The following CACNB2 variants were observed in gnomAD, a reference collection of about 807,000 sequenced individuals.
CACNB2 encodes calcium voltage-gated channel auxiliary subunit beta 2, also known as voltage-dependent L-type calcium channel subunit beta-2.
Under a neutral mutation model 73.3 loss-of-function variants are expected in CACNB2, and 42 were observed. The observed-to-expected ratio is 0.57, with a 90% CI of 0.45 to 0.74. CACNB2 has a LOEUF of 0.74. Ranked by LOEUF, CACNB2 falls within the 30% of genes least tolerant of loss-of-function variation. The pLI, the probability that CACNB2 is intolerant of heterozygous loss-of-function variation, is 0.00. For synonymous variants in CACNB2, 348 were observed against 310.3 expected (o/e 1.12, Z -1.28); for missense variants, 940 against 853.0 (o/e 1.10, Z -1.27).
At position 18,527,610 on chromosome 10, in the gene CACNB2, G is replaced by T. The variant is rs561197163; in HGVS notation, c.967G>T (p.Ala323Ser). 12 of 1,613,590 alleles carry T rather than the reference G, an allele frequency of 7.4e-6. No individual in the cohort carries two copies. Among genetic ancestry groups the T allele is most frequent in the Non-Finnish European group, 1.0e-5 (12 of 1,179,596 alleles). ...EGRISITRVT[A>S]DISLAKRSVL... ...CAGGATATCCATCACAAGGGTCACC[G>T]CTGACATCTCGCTTGCCAAACGCTC... The change falls in exon 10 of 14, where the codon GCT becomes TCT. Residue 323 changes from alanine (A) to serine (S), a missense_variant. By Grantham distance (99) the Ala-to-Ser change is moderately conservative. Coordinates refer to ENST00000324631, the MANE Select transcript of CACNB2 (RefSeq NM_201596.3).
chr10:18,498,591 G>A (rs2049983347), intron 4 of CACNB2, 114 bp downstream of exon 4: 2 of 1,021,470 alleles, frequency 2.0e-6, no homozygotes, highest in Admixed American at 1.7e-5. Flanking sequence ...CGCTGCAGTT[G>A]TATAACACAC....
At chr10:18,191,349 G>A (rs1218712168) in intron 2 of CACNB2, among the ~76,000 whole-genome samples, 2 of 152,184 alleles carry the variant, frequency 1.3e-5, no homozygotes, top group Non-Finnish European at 2.9e-5. Context: ...TGCCCCCCGT[G>A]TATTGCTGCT....
intron 2 of CACNB2, among the ~76,000 whole-genome samples, chr10:18,316,851 T>C (rs901538548): frequency 3.5e-4 from 54 of 152,338 alleles, no homozygotes; most frequent in African/African-American, 1.2e-3. Flanking sequence ...ATTAGGATCC[T>C]GCAAATCTTA....
At chr10:18,299,740 C>T (rs961548770) in intron 2 of CACNB2, among the ~76,000 whole-genome samples, 12 of 152,046 alleles carry the variant, frequency 7.9e-5, no homozygotes, top group African/African-American at 2.7e-4. Flanking sequence ...AAACTTTCTT[C>T]ACCTGCAAAA....
At chr10:18,471,033 G>C (rs1466547695) in intron 3 of CACNB2, among the ~76,000 whole-genome samples, 3 of 152,082 alleles carry the variant, frequency 2.0e-5, no homozygotes, top group Non-Finnish European at 4.4e-5. Flanking sequence ...GGCCGGGTGC[G>C]GTGGGTCACA....
chr10:18,446,845 G>A (rs567256879), intron 3 of CACNB2, among the ~76,000 whole-genome samples: 17 of 152,030 alleles, frequency 1.1e-4, no homozygotes, highest in African/African-American at 3.4e-4. Flanking sequence ...CAGGAGGATC[G>A]CTGGAGCCCA....
intron 2 of CACNB2, among the ~76,000 whole-genome samples, chr10:18,288,676 T>TAGACACACACACAC (rs1554785394): frequency 6.9e-6 from 1 of 144,312 alleles, no homozygotes; most frequent in Non-Finnish European, 1.5e-5. Context: ...ATGAGATTTA[T>TAGACACACACACAC]ACACACACAC....
chr10:18,398,424 G>T (rs2043820482), intron 2 of CACNB2, among the ~76,000 whole-genome samples: 1 of 152,102 alleles, frequency 6.6e-6, no homozygotes, highest in African/African-American at 2.4e-5. Flanking sequence ...CAACACTTTG[G>T]GAGGCTGAGG....
intron 11 of CACNB2, among the ~76,000 whole-genome samples, chr10:18,534,932 G>A (rs149411834): frequency 2.5e-4 from 38 of 152,258 alleles, no homozygotes; most frequent in African/African-American, 7.5e-4. Context: ...TCACTTAAAG[G>A]AGAACAGCAT....
At chr10:18,212,510 ATGT>A (rs1204396077) in intron 2 of CACNB2, among the ~76,000 whole-genome samples, 6 of 152,082 alleles carry the variant, frequency 3.9e-5, no homozygotes, top group Admixed American at 3.9e-4. Context: ...CCAAGTTGTG[ATGT>A]TGTCAACTTG....
At chr10:18,519,581 G>A (rs995797041) in intron 9 of CACNB2, 8 of 397,354 alleles carry the variant, frequency 2.0e-5, no homozygotes, top group African/African-American at 8.3e-5. Context: ...ATACAGAGCC[G>A]TAATCATCCT....
chr10:18,325,693 T>TTCCTC (rs1564438208), intron 2 of CACNB2, among the ~76,000 whole-genome samples: 9,543 of 69,004 alleles, frequency 0.14, 628 homozygotes, highest in Non-Finnish European at 0.2. Context: ...CTCCCTCCCT[T>TTCCTC]CCTTCCTTCC....
At chr10:18,495,872 G>T (rs1173542928) in intron 3 of CACNB2, among the ~76,000 whole-genome samples, 1 of 151,930 alleles carries the variant, frequency 6.6e-6, no homozygotes, top group Non-Finnish European at 1.5e-5. Flanking sequence ...TTGTGTTTCA[G>T]TTGTACAGGT....
intron 10 of CACNB2, among the ~76,000 whole-genome samples, chr10:18,532,706 A>AAAAAAC (rs1564663766): frequency 6.2e-5 from 4 of 64,768 alleles, no homozygotes; most frequent in African/African-American, 1.6e-4. Context: ...ACAAAACAAA[A>AAAAAAC]AAACAAACAA....
intron 2 of CACNB2, among the ~76,000 whole-genome samples, chr10:18,197,559 G>A (rs2034681191): frequency 6.6e-6 from 1 of 152,130 alleles, no homozygotes; most frequent in Non-Finnish European, 1.5e-5. Flanking sequence ...CCTCATATTA[G>A]GCCACGATGA....
chr10:18,504,745 A>C (rs1043859225), intron 5 of CACNB2, among the ~76,000 whole-genome samples: 1 of 152,072 alleles, frequency 6.6e-6, no homozygotes, highest in African/African-American at 2.4e-5. Context: ...CCCCGGTTCA[A>C]GCGATTCTCC....
chr10:18,309,080 T>G (rs1375592876), intron 2 of CACNB2, among the ~76,000 whole-genome samples: 1 of 152,184 alleles, frequency 6.6e-6, no homozygotes, highest in African/African-American at 2.4e-5. Context: ...TTCACTAAAA[T>G]GAATATTGTC....
At chr10:18,228,451 A>AAAAG (rs1211190017) in intron 2 of CACNB2, among the ~76,000 whole-genome samples, 14 of 95,476 alleles carry the variant, frequency 1.5e-4, no homozygotes, top group African/African-American at 4.7e-4. Flanking sequence ...AAAAAAAAAG[A>AAAAG]AAAAAAAAAA....
At chr10:18,238,205 A>T (rs1319616109) in intron 2 of CACNB2, among the ~76,000 whole-genome samples, 1 of 152,140 alleles carries the variant, frequency 6.6e-6, no homozygotes, top group Non-Finnish European at 1.5e-5. Context: ...CATATAATGT[A>T]CTCGAATCCA....
Sources: allele counts gnomAD v4.1 joint callset (sites outside exome capture counted in the v4.1 genomes callset), GRCh38; gene constraint gnomAD v4.1.1; transcripts MANE v1.5; gene names NCBI Gene and HGNC (gene_info 2026-07-23, HGNC 2026-07-21).